Variants in ALKBH8 observed in about 807,000 individuals in gnomAD.
ALKBH8 encodes the protein alkB homolog 8, tRNA methyltransferase.
A neutral mutation model predicts 59.8 loss-of-function variants in ALKBH8; 36 were observed. That is an observed-to-expected ratio of 0.60 (90% CI 0.46 to 0.79). The LOEUF (loss-of-function observed/expected upper bound fraction) is 0.79, where lower values mean the gene tolerates loss of function less well. Ranked by LOEUF, ALKBH8 falls within the 30% of genes least tolerant of loss-of-function variation. The pLI, the probability that ALKBH8 is intolerant of heterozygous loss-of-function variation, is 0.00. For synonymous variants in ALKBH8, 276 were observed against 273.6 expected, an observed-to-expected ratio of 1.01 and a Z score of -0.09; for missense variants, 768 against 801.0, an observed-to-expected ratio of 0.96 and a Z score of 0.50.
chr11:107,565,716 C>T lies in ALKBH8; in HGVS notation c.-122G>A. 2 of 1,524,778 alleles carry T rather than the reference C, an allele frequency of 1.3e-6. No homozygotes were observed. The highest frequency in any genetic ancestry group is 4.9e-5 in the East Asian group (2 of 40,844). 94.5% of individuals were successfully genotyped at this position (1,524,778 alleles called of 1,614,324 possible). On this transcript the variant is annotated 5_prime_UTR_variant, in exon 1 of 12. Coordinates refer to ENST00000428149, the MANE Select transcript of ALKBH8 (RefSeq NM_138775.3). The stretch of plus-strand genomic sequence containing the variant: ...ACTTGCACGCCATCTCCCCTGGGCG[C>T]GGCCATGTTGGAGAAAACTGCACTA...
chr11:107,536,225 G>A (rs1591292986), intron 7 of ALKBH8, among the ~76,000 whole-genome samples: 1 of 152,182 alleles, frequency 6.6e-6, no homozygotes, highest in East Asian at 1.9e-4. Flanking sequence ...GGCAGCACTG[G>A]AGTCTCTCTG....
At chr11:107,555,595 ACTGAGAAATATAG>A in intron 3 of ALKBH8, among the ~76,000 whole-genome samples, 1 of 152,254 alleles carries the variant, frequency 6.6e-6, no homozygotes, top group Admixed American at 6.5e-5. Context: ...GCATATGAGC[ACTGAGAAATATAG>A]TTTCTAAAAT....
chr11:107,559,010 A>G (rs1864826507), intron 2 of ALKBH8, among the ~76,000 whole-genome samples: 2 of 152,244 alleles, frequency 1.3e-5, no homozygotes, highest in South Asian at 4.1e-4. Context: ...ACCCACTGGG[A>G]AATAATTGAA....
At chr11:107,547,814 A>G (rs1004401449) in intron 7 of ALKBH8, among the ~76,000 whole-genome samples, 16 of 152,238 alleles carry the variant, frequency 1.1e-4, no homozygotes, top group African/African-American at 3.6e-4. Context: ...GATGGCTTTA[A>G]CCAAACGTCA....
intron 11 of ALKBH8, among the ~76,000 whole-genome samples, chr11:107,510,503 T>C (rs1354763238): frequency 6.6e-6 from 1 of 151,764 alleles, no homozygotes; most frequent in Non-Finnish European, 1.5e-5. Flanking sequence ...GAGAAAGAAA[T>C]ACAGAAGGGA....
Position 107,510,955 on chromosome 11 carries a change from C to T in ALKBH8, c.1369G>A (p.Val457Ile). ...FQAFVCDALA[V>I]PVRSGSCDAC... is the part of the protein sequence containing the mutation. ...TCACAAGACCCACTGCGGACTGGTACTGCCAATGCATCACAGACAAAAGCC... is the reference window on the plus strand; with the variant it reads ...TCACAAGACCCACTGCGGACTGGTATTGCCAATGCATCACAGACAAAAGCC... The change falls in exon 11 of 12, where the codon GTA (valine) becomes ATA (isoleucine). Residue 457 changes from valine (V) to isoleucine (I), a missense_variant. Transcript: ENST00000428149. 6.4e-7 allele frequency: 1 copy of T among 1,551,844 alleles called. No individual in the cohort carries two copies. Among genetic ancestry groups the T allele is most frequent in the Non-Finnish European group, 8.7e-7 (1 of 1,146,974 alleles).
chr11:107,516,338 T>G (rs1862861955), intron 10 of ALKBH8, among the ~76,000 whole-genome samples: 1 of 152,206 alleles, frequency 6.6e-6, no homozygotes, highest in Admixed American at 6.6e-5. Context: ...AACTTCTGCC[T>G]AATGGAATAT....
intron 10 of ALKBH8, 141 bp downstream of exon 10, chr11:107,522,157 TA>T (rs974611894): frequency 1.9e-5 from 20 of 1,067,884 alleles, no homozygotes; most frequent in Non-Finnish European, 2.1e-5. Context: ...TAAGAAAGAA[TA>T]AAAAAAATCA....
At chr11:107,527,881 C>CTGA (rs1423160345) in intron 8 of ALKBH8, among the ~76,000 whole-genome samples, 1 of 151,944 alleles carries the variant, frequency 6.6e-6, no homozygotes, top group Admixed American at 6.6e-5. Flanking sequence ...GCGGACATCC[C>CTGA]TGATTTGTTC....
At chr11:107,546,649 GT>G (rs1322412812) in intron 7 of ALKBH8, among the ~76,000 whole-genome samples, 1 of 152,064 alleles carries the variant, frequency 6.6e-6, no homozygotes, top group Non-Finnish European at 1.5e-5. Context: ...ATATTAACTT[GT>G]TTTGCCTTGT....
intron 10 of ALKBH8, among the ~76,000 whole-genome samples, chr11:107,521,610 C>A (rs1370569779): frequency 6.6e-6 from 1 of 151,922 alleles, no homozygotes; most frequent in African/African-American, 2.4e-5. Flanking sequence ...TGATTACTTA[C>A]AACAATACAC....
At chr11:107,529,424 T>G (rs1043353104) in intron 8 of ALKBH8, among the ~76,000 whole-genome samples, 23 of 152,168 alleles carry the variant, frequency 1.5e-4, no homozygotes, top group Non-Finnish European at 2.9e-5. Context: ...ATCATAGGAT[T>G]AATTTTCATT....
At chr11:107,561,017 T>C in intron 1 of ALKBH8, 118 bp from the exon 2 acceptor site, 2 of 923,248 alleles carry the variant, frequency 2.2e-6, no homozygotes, top group Non-Finnish European at 3.1e-6. Flanking sequence ...TTTTTAAAAA[T>C]GCTTCATTTA....
At chr11:107,535,775 CAGA>C (rs1183309485) in intron 7 of ALKBH8, among the ~76,000 whole-genome samples, 1 of 151,952 alleles carries the variant, frequency 6.6e-6, no homozygotes, top group East Asian at 1.9e-4. Flanking sequence ...CCCATGAACA[CAGA>C]AAGTGTGAGA....
chr11:107,552,544 C>T (rs1198689322), intron 5 of ALKBH8, among the ~76,000 whole-genome samples: 1 of 152,102 alleles, frequency 6.6e-6, no homozygotes, highest in Non-Finnish European at 1.5e-5. Context: ...AAATGACCAA[C>T]CTTACCAGTA....
intron 7 of ALKBH8, among the ~76,000 whole-genome samples, chr11:107,539,505 A>G (rs538022694): frequency 6.6e-6 from 1 of 152,242 alleles, no homozygotes; most frequent in African/African-American, 2.4e-5. Context: ...AGGCTGAGGC[A>G]AGAGAATCAC....
At chr11:107,528,447 C>CA (rs1335062863) in intron 8 of ALKBH8, among the ~76,000 whole-genome samples, 2 of 151,280 alleles carry the variant, frequency 1.3e-5, no homozygotes, top group African/African-American at 4.8e-5. Context: ...TTTGTAGAGG[C>CA]AAAAAAAAGC....
At chr11:107,537,803 A>G (rs990365960) in intron 7 of ALKBH8, among the ~76,000 whole-genome samples, 10 of 152,188 alleles carry the variant, frequency 6.6e-5, no homozygotes, top group African/African-American at 1.9e-4. Flanking sequence ...CAATATGAAG[A>G]CAAATGGTAA....
At position 107,504,270 on chromosome 11, in the gene ALKBH8, G is replaced by T. The variant is rs1862284801; in HGVS notation, c.*388C>A. 2.1e-6 allele frequency: 1 copy of T among 469,574 alleles called. No individual in the cohort carries two copies. The highest frequency in any genetic ancestry group is 2.0e-5 in the African/African-American group (1 of 49,330). 29.1% of individuals were successfully genotyped at this position (469,574 alleles called of 1,614,324 possible). On this transcript the variant is annotated 3_prime_UTR_variant, in exon 12 of 12. Coordinates refer to ENST00000428149, the MANE Select transcript of ALKBH8 (RefSeq NM_138775.3). ...GTAAAACTTCAGACAATTTTCTATT[G>T]ACCAGGACTATTTTCTGTATTAACA...
Sources: allele counts gnomAD v4.1 joint callset (sites outside exome capture counted in the v4.1 genomes callset), GRCh38; gene constraint gnomAD v4.1.1; transcripts MANE v1.5; gene names NCBI Gene and HGNC (gene_info 2026-07-23, HGNC 2026-07-21).